TAOK3: variants seen among roughly 807,000 people sequenced by gnomAD.
TAOK3 encodes TAO kinase 3.
A neutral mutation model predicts 120.4 loss-of-function variants in TAOK3; 40 were observed. That is an observed-to-expected ratio of 0.33 (90% CI 0.26 to 0.43). TAOK3 has a LOEUF of 0.43. Ranked by LOEUF, TAOK3 falls within the 20% of genes least tolerant of loss-of-function variation. The pLI is 1.00. For synonymous variants in TAOK3, 355 were observed against 387.5 expected, an observed-to-expected ratio of 0.92 and a Z score of 0.99; for missense variants, 821 against 1,112.1, an observed-to-expected ratio of 0.74 and a Z score of 3.72.
intron 9 of TAOK3, among the ~76,000 whole-genome samples, chr12:118,217,229 G>A (rs1169319486): frequency 6.6e-6 from 1 of 152,194 alleles, no homozygotes; most frequent in Admixed American, 6.5e-5. Flanking sequence ...CACAGCCAGA[G>A]TAGTTAAAAC....
intron 13 of TAOK3, among the ~76,000 whole-genome samples, chr12:118,191,924 A>G (rs1269681571): frequency 1.3e-5 from 2 of 152,214 alleles, no homozygotes; most frequent in Non-Finnish European, 2.9e-5. Context: ...GTGAATATTA[A>G]TTGGCTAACT....
intron 14 of TAOK3, among the ~76,000 whole-genome samples, chr12:118,182,213 T>G (rs2036775842): frequency 6.6e-6 from 1 of 151,990 alleles, no homozygotes; most frequent in Admixed American, 6.6e-5. Flanking sequence ...AAGAAATTAT[T>G]TATTCAGTCA....
intron 9 of TAOK3, among the ~76,000 whole-genome samples, chr12:118,218,984 T>C (rs2039084268): frequency 6.6e-6 from 1 of 152,084 alleles, no homozygotes; most frequent in African/African-American, 2.4e-5. Flanking sequence ...TAAAACCACG[T>C]GGAACTAGGA....
chr12:118,214,178 C>G (rs1202765226), intron 9 of TAOK3, 68 bp from the exon 10 acceptor site: 18 of 1,250,464 alleles, frequency 1.4e-5, no homozygotes, highest in Non-Finnish European at 2.0e-5. Context: ...AAATAAGAAA[C>G]TATGAGCAAA....
chr12:118,289,545 G>A (rs1017981226), intron 1 of TAOK3, among the ~76,000 whole-genome samples: 1 of 151,920 alleles, frequency 6.6e-6, no homozygotes, highest in African/African-American at 2.4e-5. Flanking sequence ...TGTTTCCAAA[G>A]ACTCTTTAAA....
At chr12:118,220,220 T>C (rs1330322163) in intron 9 of TAOK3, among the ~76,000 whole-genome samples, 2 of 152,154 alleles carry the variant, frequency 1.3e-5, no homozygotes, top group African/African-American at 4.8e-5. Context: ...GTTCTTTATT[T>C]AATGTGTGTC....
In TAOK3 at chr12:118,238,179, GAAAA is replaced by G; in HGVS notation, c.341-14_341-11del. The G allele has an allele frequency of 1.6e-6, 2 of 1,247,148 alleles. No individual in the cohort carries two copies. Among genetic ancestry groups the G allele is most frequent in the Non-Finnish European group, 1.1e-6 (1 of 917,662 alleles). The allele number at this position is 1,247,148 out of a possible 1,614,324, so 77.3% of individuals were successfully genotyped here. On this transcript the variant is annotated splice_polypyrimidine_tract_variant and intron_variant, in intron 6 of 20. Coordinates refer to ENST00000392533, the MANE Select transcript of TAOK3 (RefSeq NM_016281.4). Reference sequence around the variant, plus strand: ...AGTGGTTTTTTATGAACTGAGGAAGGAAAAAAAAAAAAGTCAGTAGATGATCAGT... The same window carrying G: ...AGTGGTTTTTTATGAACTGAGGAAGGAAAAAAAAGTCAGTAGATGATCAGT...
chr12:118,349,026 G>A (rs1191725383), intron 1 of TAOK3, among the ~76,000 whole-genome samples: 1 of 151,498 alleles, frequency 6.6e-6, no homozygotes, highest in Non-Finnish European at 1.5e-5. Flanking sequence ...TGAGTAGCTG[G>A]GATTACAGGT....
At chr12:118,330,658 G>A (rs140077779) in intron 1 of TAOK3, among the ~76,000 whole-genome samples, 23 of 143,132 alleles carry the variant, frequency 1.6e-4, no homozygotes, top group South Asian at 6.7e-4. Context: ...TGTGTTGATT[G>A]ATAAAAAACG....
intron 9 of TAOK3, among the ~76,000 whole-genome samples, chr12:118,217,811 GTATACATATATA>G (rs1416792063): frequency 0.081 from 6,066 of 75,354 alleles, 465 homozygotes; most frequent in Non-Finnish European, 0.1. Context: ...GTGTGTGTGT[GTATACATATATA>G]TATATATATA....
chr12:118,355,563 G>A (rs1048987741), intron 1 of TAOK3, among the ~76,000 whole-genome samples: 1 of 152,108 alleles, frequency 6.6e-6, no homozygotes, highest in African/African-American at 2.4e-5. Context: ...TAAGAGGAAG[G>A]GCATAAATAA....
chr12:118,159,501 C>T (rs1302068030), intron 19 of TAOK3, among the ~76,000 whole-genome samples: 1 of 152,242 alleles, frequency 6.6e-6, no homozygotes, highest in African/African-American at 2.4e-5. Flanking sequence ...TGGGGTTTCA[C>T]CATGTTGGTC....
chr12:118,286,430 T>C (rs1016602345), intron 1 of TAOK3, among the ~76,000 whole-genome samples: 1 of 151,902 alleles, frequency 6.6e-6, no homozygotes, highest in African/African-American at 2.4e-5. Context: ...GAATAGACAA[T>C]TCTCAAAAGA....
intron 9 of TAOK3, among the ~76,000 whole-genome samples, chr12:118,214,745 T>A (rs1015549252): frequency 2.6e-5 from 2 of 77,668 alleles, no homozygotes; most frequent in Non-Finnish European, 5.1e-5. Flanking sequence ...TTTCTTTCTT[T>A]CTTTTTTTTT....
intron 14 of TAOK3, among the ~76,000 whole-genome samples, chr12:118,182,612 TATATA>T (rs1565910651): frequency 2.3e-5 from 2 of 85,626 alleles, no homozygotes; most frequent in African/African-American, 1.1e-4. Flanking sequence ...TATATATATA[TATATA>T]TATATATTTT....
chr12:118,175,470 A>G (rs2138734283), intron 16 of TAOK3, among the ~76,000 whole-genome samples: 1 of 152,134 alleles, frequency 6.6e-6, no homozygotes, highest in Middle Eastern at 3.4e-3. Flanking sequence ...TACTAAAAAT[A>G]CAAAAAATTA....
chr12:118,309,804 T>C (rs2043197860), intron 1 of TAOK3, among the ~76,000 whole-genome samples: 1 of 151,814 alleles, frequency 6.6e-6, no homozygotes, highest in African/African-American at 2.4e-5. Context: ...GCCTGAGTCA[T>C]CAGGCCCCGC....
At chr12:118,169,059 G>C (rs1393647475) in intron 17 of TAOK3, among the ~76,000 whole-genome samples, 1 of 151,590 alleles carries the variant, frequency 6.6e-6, no homozygotes, top group Admixed American at 6.6e-5. Context: ...TGTTGCCCAG[G>C]CTGGAGTGGA....
intron 1 of TAOK3, among the ~76,000 whole-genome samples, chr12:118,321,154 T>C (rs1759356798): frequency 6.6e-6 from 1 of 152,222 alleles, no homozygotes; most frequent in Non-Finnish European, 1.5e-5. Flanking sequence ...TTGTAACTTT[T>C]ATATTTGTTT....
Sources: allele counts gnomAD v4.1 joint callset (sites outside exome capture counted in the v4.1 genomes callset), GRCh38; gene constraint gnomAD v4.1.1; transcripts MANE v1.5; gene names NCBI Gene and HGNC (gene_info 2026-07-23, HGNC 2026-07-21).